NDUFS1: variants seen among roughly 807,000 people sequenced by gnomAD.
The protein encoded by NDUFS1 is NADH-ubiquinone oxidoreductase 75 kDa subunit, mitochondrial.
In NDUFS1, 61 loss-of-function variants were observed where a neutral mutation model predicts 84.4. The ratio of observed to expected loss-of-function variants is 0.72; its 90% CI spans 0.59 to 0.89. NDUFS1 has a LOEUF of 0.89. Among genes scored for constraint, NDUFS1 ranks in the 40% least tolerant of loss-of-function variants. The pLI is 0.00. For missense variants in NDUFS1, 891 were observed against 890.0 expected, an observed-to-expected ratio of 1.00 and a Z score of -0.01; for synonymous variants, 275 against 290.0, an observed-to-expected ratio of 0.95 and a Z score of 0.53.
In NDUFS1 at chr2:206,119,279, CTA is replaced by C. The variant is rs1442901956; in HGVS notation, c.*4904_*4905del. ...TTCTGATGTAATCATCAAAACAATT[CTA>C]TGAGGCTGGAAGTAGGTACAATTTT... On this transcript the variant is annotated 3_prime_UTR_variant, in exon 19 of 19. Coordinates refer to ENST00000233190, the MANE Select transcript of NDUFS1 (RefSeq NM_005006.7). 6.6e-6 allele frequency: 1 copy of C among 152,164 alleles called. No individual in the cohort carries two copies. Among genetic ancestry groups the C allele is most frequent in the Non-Finnish European group, 1.5e-5 (1 of 68,012 alleles). The allele number at this position is 152,164 out of a possible 1,614,324, so 9.4% of individuals were successfully genotyped here.
chr2:206,158,112 G>A (rs11680136), intron 1 of NDUFS1, among the ~76,000 whole-genome samples: 66,538 of 151,442 alleles, frequency 0.44, 15,078 homozygotes, highest in African/African-American at 0.53. Flanking sequence ...ACAGGCGCCC[G>A]CCACCACGCC....
intron 14 of NDUFS1, 149 bp from the exon 15 acceptor site, chr2:206,130,391 G>T (rs1205442561): frequency 2.9e-6 from 3 of 1,052,212 alleles, no homozygotes; most frequent in Non-Finnish European, 4.1e-6. Context: ...GTCTCACTTT[G>T]TCGCCCAGGC....
chr2:206,152,567 A>G, intron 2 of NDUFS1, 57 bp from the exon 3 acceptor site: 1 of 1,437,176 alleles, frequency 7.0e-7, no homozygotes, highest in Admixed American at 1.7e-5. Context: ...ATAGCAGATG[A>G]TAATGGATGA....
At chr2:206,151,709 C>G (rs1692376299) in intron 3 of NDUFS1, among the ~76,000 whole-genome samples, 1 of 152,134 alleles carries the variant, frequency 6.6e-6, no homozygotes, top group African/African-American at 2.4e-5. Context: ...TAAGCACATG[C>G]TACCCTCCAT....
intron 10 of NDUFS1, 100 bp downstream of exon 10, chr2:206,143,918 A>G (rs775313788): frequency 1.1e-4 from 107 of 967,200 alleles, no homozygotes; most frequent in Non-Finnish European, 1.6e-4. Context: ...TAATCTTGGT[A>G]AAAGTAAAAA....
At chr2:206,156,973 T>C (rs556622159) in intron 1 of NDUFS1, among the ~76,000 whole-genome samples, 1 of 152,334 alleles carries the variant, frequency 6.6e-6, no homozygotes, top group East Asian at 1.9e-4. Context: ...GTGTGTGTGT[T>C]TTGAGACAGA....
chr2:206,131,721 T>C (rs1226984565), intron 14 of NDUFS1, among the ~76,000 whole-genome samples: 1 of 152,104 alleles, frequency 6.6e-6, no homozygotes, highest in Non-Finnish European at 1.5e-5. Flanking sequence ...GCAGATCGCC[T>C]GAGGTCAGGA....
At chr2:206,156,574 CA>C (rs570258639) in intron 1 of NDUFS1, among the ~76,000 whole-genome samples, 7 of 141,112 alleles carry the variant, frequency 5.0e-5, no homozygotes, top group Admixed American at 7.0e-5. Flanking sequence ...GACCCTGTCT[CA>C]AAAAAAAAAG....
At chr2:206,129,740 C>A (rs1358852648) in intron 15 of NDUFS1, among the ~76,000 whole-genome samples, 1 of 151,702 alleles carries the variant, frequency 6.6e-6, no homozygotes, top group Non-Finnish European at 1.5e-5. Flanking sequence ...TACAGGCGCC[C>A]GCCACCACGC....
intron 12 of NDUFS1, among the ~76,000 whole-genome samples, chr2:206,140,941 TATAC>T (rs1691919058): frequency 1.5e-5 from 1 of 67,056 alleles, no homozygotes. Context: ...TATATATATA[TATAC>T]ACACACACTG....
intron 4 of NDUFS1, 43 bp downstream of exon 4, chr2:206,149,775 T>A: frequency 7.0e-7 from 1 of 1,436,156 alleles, no homozygotes; most frequent in Admixed American, 1.7e-5. Context: ...TTTAAAGTTT[T>A]CTACCTTCTA....
Position 206,118,203 on chromosome 2 carries a change from T to C in NDUFS1, c.*5982A>G, listed in dbSNP as rs896181442. The C allele has an allele frequency of 2.0e-5, 3 of 152,384 alleles. No homozygotes were observed. Among genetic ancestry groups the C allele is most frequent in the East Asian group, 1.9e-4 (1 of 5,194 alleles). 9.4% of individuals were successfully genotyped at this position (152,384 alleles called of 1,614,324 possible). A position where few individuals can be genotyped will look rare whatever the true frequency, so the allele number is the denominator to read the frequency against. Reference sequence around the variant, plus strand: ...AGGGTATTTGGTTTTGAGATCCTTGTTCTCTTAAAATCTGTGATCTGAAAT... The same window carrying C: ...AGGGTATTTGGTTTTGAGATCCTTGCTCTCTTAAAATCTGTGATCTGAAAT... On this transcript the variant is annotated 3_prime_UTR_variant, in exon 19 of 19. Coordinates refer to ENST00000233190, the MANE Select transcript of NDUFS1 (RefSeq NM_005006.7).
At position 206,152,494 on chromosome 2, in the gene NDUFS1, T is replaced by C. The variant is rs1692409551; in HGVS notation, c.78A>G (p.Thr26=). 2 of 1,614,012 alleles carry C rather than the reference T, an allele frequency of 1.2e-6. No individual in the cohort carries two copies. The highest frequency in any genetic ancestry group is 1.7e-6 in the Non-Finnish European group (2 of 1,179,980). Residue 26 remains threonine, a synonymous_variant, in exon 3 of 19, where the codon ACA becomes ACG. Coordinates refer to ENST00000233190, the MANE Select transcript of NDUFS1 (RefSeq NM_005006.7). ...SPKGCVRTTA[T]AASNLIEVFV... is the part of the protein sequence containing the mutation. ...ATACTTCAATCAAGTTGCTTGCTGC[T>C]GTGGCAGTTGTTCGAACTGACCATC...
chr2:206,132,220 G>C (rs1437824384), intron 14 of NDUFS1, among the ~76,000 whole-genome samples: 1 of 152,090 alleles, frequency 6.6e-6, no homozygotes, highest in Non-Finnish European at 1.5e-5. Context: ...GTAGAATAAG[G>C]ATCAGTTCCA....
rs573522492 is a variant in NDUFS1 at position 206,152,402 on chromosome 2, T to C, written c.153+17A>G. 6.2e-7 allele frequency: 1 copy of C among 1,600,956 alleles called. No homozygotes were observed. Among genetic ancestry groups the C allele is most frequent in the South Asian group, 1.1e-5 (1 of 90,776 alleles). ...AAATCAGAACACACACACAAAATAG[T>C]TAGAATGTATGCCTACTTGGAGGAC... On this transcript the variant is annotated intron_variant, in intron 3 of 18. Transcript: ENST00000233190.
intron 1 of NDUFS1, among the ~76,000 whole-genome samples, chr2:206,155,473 G>C (rs538378369): frequency 8.6e-5 from 13 of 151,508 alleles, no homozygotes; most frequent in African/African-American, 2.9e-4. Flanking sequence ...CTGTCACCCA[G>C]GAGTGCAGTG....
intron 13 of NDUFS1, 22 bp from the exon 14 acceptor site, chr2:206,133,127 T>G: frequency 3.9e-6 from 6 of 1,555,824 alleles, no homozygotes; most frequent in South Asian, 1.2e-5. Context: ...AAAAAACAAC[T>G]TTGATTTTAA....
intron 12 of NDUFS1, among the ~76,000 whole-genome samples, chr2:206,140,470 A>G (rs1196578113): frequency 6.6e-6 from 1 of 151,464 alleles, no homozygotes; most frequent in Non-Finnish European, 1.5e-5. Context: ...AGATCTCAGA[A>G]ACCAAAAAAA....
intron 1 of NDUFS1, among the ~76,000 whole-genome samples, chr2:206,158,559 C>T (rs191126167): frequency 2.0e-5 from 3 of 152,326 alleles, no homozygotes. Flanking sequence ...GTAGAGACCA[C>T]TTTCCCGGAT....
Sources: allele counts gnomAD v4.1 joint callset (sites outside exome capture counted in the v4.1 genomes callset), GRCh38; gene constraint gnomAD v4.1.1; transcripts MANE v1.5; gene names NCBI Gene and HGNC (gene_info 2026-07-23, HGNC 2026-07-21).